The following PID1 variants were observed in gnomAD, a reference collection of about 807,000 sequenced individuals.
The protein encoded by PID1 is phosphotyrosine interaction domain containing 1, also known as PTB-containing, cubilin and LRP1-interacting protein.
Under a neutral mutation model 19.1 loss-of-function variants are expected in PID1, and 10 were observed. That is an observed-to-expected ratio of 0.52 (90% CI 0.32 to 0.89). The LOEUF is 0.89. Ranked by LOEUF, PID1 falls within the 40% of genes least tolerant of loss-of-function variation. The pLI, the probability that PID1 is intolerant of heterozygous loss-of-function variation, is 0.03. For synonymous variants in PID1, 130 were observed against 116.0 expected, an observed-to-expected ratio of 1.12 and a Z score of -0.78; for missense variants, 248 against 285.3, an observed-to-expected ratio of 0.87 and a Z score of 0.94.
rs532598695 is a variant in PID1 at position 229,189,239 on chromosome 2, T to G, written c.31-33275A>C. Among the ~76,000 whole-genome samples the G allele has an allele frequency of 1.9e-4, 29 of 152,308 alleles. No homozygotes were observed. In the South Asian group the frequency reaches 5.8e-3, roughly 31 times the overall value. On this transcript the variant is annotated intron_variant, in intron 1 of 2. Coordinates refer to ENST00000392055, the MANE Select transcript of PID1 (RefSeq NM_001100818.2). ...CTCACCAAGCATGCACACATGGAGC[T>G]GCACCCAACCCTAAGTCACGCAGAA...
intron 2 of PID1, among the ~76,000 whole-genome samples, chr2:229,035,192 C>T (rs546956254): frequency 1.3e-5 from 2 of 152,248 alleles, no homozygotes; most frequent in East Asian, 3.9e-4. Context: ...AATCAATAGA[C>T]TACGAATAAA....
intron 1 of PID1, among the ~76,000 whole-genome samples, chr2:229,170,567 T>C (rs1202314241): frequency 5.3e-5 from 8 of 152,136 alleles, no homozygotes; most frequent in Admixed American, 5.2e-4. Flanking sequence ...TATTATCAGG[T>C]TGTGGAATTG....
intron 1 of PID1, among the ~76,000 whole-genome samples, chr2:229,194,291 T>C (rs1395541444): frequency 1.3e-5 from 2 of 152,084 alleles, no homozygotes; most frequent in Non-Finnish European, 2.9e-5. Context: ...TCTCAATCCT[T>C]ATGAATTTTA....
At chr2:229,243,165 A>C (rs1436601214) in intron 1 of PID1, among the ~76,000 whole-genome samples, 1 of 152,130 alleles carries the variant, frequency 6.6e-6, no homozygotes, top group African/African-American at 2.4e-5. Context: ...AGGCAGAGAG[A>C]GCTTATGCAG....
At chr2:229,072,864 T>C (rs1002806280) in intron 2 of PID1, among the ~76,000 whole-genome samples, 27 of 152,162 alleles carry the variant, frequency 1.8e-4, no homozygotes, top group African/African-American at 5.5e-4. Flanking sequence ...AAATAAGAAC[T>C]TCTAGAAGGT....
chr2:229,251,415 G>C (rs1559303370), intron 1 of PID1, among the ~76,000 whole-genome samples: 1 of 152,052 alleles, frequency 6.6e-6, no homozygotes, highest in Non-Finnish European at 1.5e-5. Context: ...CTGTATCTGA[G>C]TCTATTCCAC....
intron 2 of PID1, among the ~76,000 whole-genome samples, chr2:229,070,557 C>T (rs780188223): frequency 3.9e-5 from 6 of 152,122 alleles, no homozygotes; most frequent in Non-Finnish European, 7.3e-5. Context: ...GTGGCCCCTC[C>T]GAAGGAAGAA....
At chr2:229,029,139 C>T (rs140045068) in intron 2 of PID1, among the ~76,000 whole-genome samples, 1,779 of 151,932 alleles carry the variant, frequency 0.012, 32 homozygotes, top group African/African-American at 0.041. Flanking sequence ...ACTACCTGGG[C>T]AACGGGACCA....
At chr2:229,120,943 C>A (rs1336221747) in intron 2 of PID1, among the ~76,000 whole-genome samples, 2 of 152,012 alleles carry the variant, frequency 1.3e-5, no homozygotes. Flanking sequence ...GGGTCTACTC[C>A]TCCTTTGACC....
At chr2:229,050,131 C>T (rs1259847153) in intron 2 of PID1, among the ~76,000 whole-genome samples, 7 of 152,084 alleles carry the variant, frequency 4.6e-5, no homozygotes, top group African/African-American at 1.2e-4. Context: ...TATCTTTCTG[C>T]GAATCTCAAC....
At chr2:229,079,988 C>T (rs1057084033) in intron 2 of PID1, among the ~76,000 whole-genome samples, 5 of 152,064 alleles carry the variant, frequency 3.3e-5, no homozygotes, top group South Asian at 2.1e-4. Context: ...GGGACTCTGC[C>T]GGTCAGAGGC....
At chr2:229,257,110 T>C (rs1690321565) in intron 1 of PID1, among the ~76,000 whole-genome samples, 1 of 152,220 alleles carries the variant, frequency 6.6e-6, no homozygotes, top group African/African-American at 2.4e-5. Flanking sequence ...TCTGCTTTTA[T>C]GATCCCTCAA....
chr2:229,087,137 A>G (rs1694784247), intron 2 of PID1, among the ~76,000 whole-genome samples: 1 of 152,240 alleles, frequency 6.6e-6, no homozygotes, highest in Admixed American at 6.5e-5. Context: ...ACTGCTTATC[A>G]AATTACATTA....
intron 2 of PID1, among the ~76,000 whole-genome samples, chr2:229,058,030 G>C (rs1179709730): frequency 1.3e-5 from 2 of 152,196 alleles, no homozygotes; most frequent in Non-Finnish European, 2.9e-5. Flanking sequence ...AAGGTCAATT[G>C]TGCTATGGTG....
chr2:229,044,391 C>A (rs181205871), intron 2 of PID1, among the ~76,000 whole-genome samples: 1 of 152,126 alleles, frequency 6.6e-6, no homozygotes, highest in East Asian at 1.9e-4. Context: ...AAAGGTAGGA[C>A]CTGCACTCCA....
intron 2 of PID1, among the ~76,000 whole-genome samples, chr2:229,154,240 G>T (rs1216662180): frequency 6.6e-6 from 1 of 151,400 alleles, no homozygotes; most frequent in African/African-American, 2.4e-5. Context: ...TAAACTTCTC[G>T]CCATGACCAC....
At chr2:229,232,615 C>T (rs956275991) in intron 1 of PID1, among the ~76,000 whole-genome samples, 17 of 150,136 alleles carry the variant, frequency 1.1e-4, no homozygotes, top group African/African-American at 3.9e-4. Flanking sequence ...TTTCCAACCT[C>T]ACCCATCTCC....
intron 1 of PID1, among the ~76,000 whole-genome samples, chr2:229,196,133 A>T (rs567980042): frequency 6.6e-6 from 1 of 152,220 alleles, no homozygotes; most frequent in African/African-American, 2.4e-5. Context: ...GAATCTAAAA[A>T]TCATAACTCA....
intron 2 of PID1, among the ~76,000 whole-genome samples, chr2:229,088,876 T>C (rs1694818538): frequency 6.6e-6 from 1 of 152,208 alleles, no homozygotes; most frequent in African/African-American, 2.4e-5. Flanking sequence ...CCTCTGTTTA[T>C]ATTTAAAAGC....
Sources: allele counts gnomAD v4.1 joint callset (sites outside exome capture counted in the v4.1 genomes callset), GRCh38; gene constraint gnomAD v4.1.1; transcripts MANE v1.5; gene names NCBI Gene and HGNC (gene_info 2026-07-23, HGNC 2026-07-21).